The following BSN variants were observed in gnomAD, a reference collection of about 807,000 sequenced individuals.
BSN encodes bassoon presynaptic cytomatrix protein.
BSN carries 57 observed loss-of-function variants against 264.8 expected under a neutral mutation model. That is an observed-to-expected ratio of 0.22 (90% CI 0.17 to 0.27). The LOEUF (loss-of-function observed/expected upper bound fraction) is 0.27, where lower values mean the gene tolerates loss of function less well. Ranked by LOEUF, BSN falls within the 10% of genes least tolerant of loss-of-function variation. The pLI is 1.00. For missense variants in BSN, 4,615 were observed against 5,232.5 expected (o/e 0.88, Z 3.64); for synonymous variants, 2,059 against 2,137.3 (o/e 0.96, Z 1.01).
intron 2 of BSN, among the ~76,000 whole-genome samples, chr3:49,631,867 G>C (rs573021168): frequency 1.2e-3 from 188 of 152,238 alleles, no homozygotes; most frequent in Non-Finnish European, 2.1e-3. Context: ...CCTTCAAATA[G>C]CCAAAATAAT....
In BSN at chr3:49,663,437, A is replaced by G. The variant is rs749194869; in HGVS notation, c.11279A>G (p.Gln3760Arg). ...RQAAPGPQQSQSPSSRQIPSG... is the reference protein window; with the variant it reads ...RQAAPGPQQSRSPSSRQIPSG... ...GCAGCTCCAGGACCACAGCAGTCACAGTCACCATCATCCAGGCAAATACCC... is the reference window on the plus strand; with the variant it reads ...GCAGCTCCAGGACCACAGCAGTCACGGTCACCATCATCCAGGCAAATACCC... Residue 3760 changes from glutamine to arginine, a missense_variant, in exon 7 of 12, where the codon CAG becomes CGG. Transcript: ENST00000296452. 16 of 1,612,904 alleles carry G rather than the reference A, an allele frequency of 9.9e-6. No individual in the cohort carries two copies. The highest frequency in any genetic ancestry group is 1.3e-5 in the African/African-American group (1 of 74,950).
chr3:49,620,941 A>G (rs1470102324), intron 1 of BSN, among the ~76,000 whole-genome samples: 1 of 152,248 alleles, frequency 6.6e-6, no homozygotes, highest in Non-Finnish European at 1.5e-5. Context: ...ACTCACACAC[A>G]CACACACAAA....
chr3:49,662,010 C>A lies in BSN; in HGVS notation c.10165C>A (p.Pro3389Thr), dbSNP rs766684298. 6.2e-7 allele frequency: 1 copy of A among 1,613,836 alleles called. No homozygotes were observed. ...KDVESDLASY[P>T]PPAVSSSLVS... ...CGTAGAGTCAGACCTGGCGTCCTACCCCCCACCTGCAGTCAGCAGCAGCCT... is the reference window on the plus strand; with the variant it reads ...CGTAGAGTCAGACCTGGCGTCCTACACCCCACCTGCAGTCAGCAGCAGCCT... The change falls in exon 6 of 12, where the codon CCC (proline) becomes ACC (threonine). Residue 3389 changes from proline (P) to threonine (T), a missense_variant. Physicochemically the swap from Pro to Thr is conservative, Grantham distance 38. Coordinates refer to ENST00000296452, the MANE Select transcript of BSN (RefSeq NM_003458.4).
intron 2 of BSN, among the ~76,000 whole-genome samples, chr3:49,628,527 A>G (rs895454377): frequency 6.6e-6 from 1 of 152,202 alleles, no homozygotes; most frequent in Non-Finnish European, 1.5e-5. Flanking sequence ...AGTTTCCCCT[A>G]TCAGCCCTAG....
At chr3:49,557,579 T>G (rs1294756896) in intron 1 of BSN, among the ~76,000 whole-genome samples, 2 of 149,574 alleles carry the variant, frequency 1.3e-5, no homozygotes, top group East Asian at 1.9e-4. Flanking sequence ...CTGTCAGTTT[T>G]TTTTTTTTTT....
chr3:49,600,957 G>A (rs2052068884), intron 1 of BSN, among the ~76,000 whole-genome samples: 1 of 152,166 alleles, frequency 6.6e-6, no homozygotes, highest in Admixed American at 6.5e-5. Context: ...ATAACCCAGA[G>A]GCCTCATCTT....
At position 49,653,739 on chromosome 3, in the gene BSN, C is replaced by G; in HGVS notation, c.4183C>G (p.Arg1395Gly). ...GGCTCCTTGTCCAGCTGGGCTGCCA[C>G]GAGGATATATGACTCCAGCCTCCCC... ...AVAPCPAGLPRGYMTPASPAG... is the reference protein window; with the variant it reads ...AVAPCPAGLPGGYMTPASPAG... The change falls in exon 5 of 12, where the codon CGA becomes GGA. Residue 1395 changes from arginine (R) to glycine (G), a missense_variant. Transcript: ENST00000296452. This position sits in a 1 kb window ranked among gnomAD's most constrained non-coding sequence, Gnocchi z 6.3. The G allele has an allele frequency of 6.2e-7, 1 of 1,614,014 alleles. No individual in the cohort carries two copies. The highest frequency in any genetic ancestry group is 8.5e-7 in the Non-Finnish European group (1 of 1,179,992).
intron 3 of BSN, among the ~76,000 whole-genome samples, chr3:49,646,016 A>G (rs559272534): frequency 2.0e-5 from 3 of 152,356 alleles, no homozygotes; most frequent in African/African-American, 7.2e-5. Flanking sequence ...ACCTGAGGCC[A>G]CAGTCAACCA....
rs557622645 is a variant in BSN, at chr3:49,657,097, C to T, written c.7541C>T (p.Ala2514Val). Residue 2514 changes from alanine to valine, a missense_variant, in exon 5 of 12, where the codon GCA becomes GTA. Ala to Val is a moderately conservative substitution (Grantham distance 64). Around this residue, in one of 3 missense-constraint regions of BSN, gnomAD observed 3,415 missense variants for 3,866.4 expected, o/e 0.88. Transcript: ENST00000296452. ...ACACATGCAGCCTTCATTGCCATGG[C>T]AGGGCCTGAAGGACTTGGGCAGCCT... is the stretch of plus-strand genomic sequence containing the variant. ...PLTHAAFIAM[A>V]GPEGLGQPRE... is the part of the protein sequence containing the mutation. 1.2e-6 allele frequency: 2 copies of T among 1,609,884 alleles called. No individual in the cohort carries two copies. The highest frequency in any genetic ancestry group is 1.7e-6 in the Non-Finnish European group (2 of 1,177,532).
chr3:49,613,336 GA>G (rs1392234423), intron 1 of BSN, among the ~76,000 whole-genome samples: 37 of 150,162 alleles, frequency 2.5e-4, no homozygotes, highest in Non-Finnish European at 5.0e-4. Context: ...GAGAGAGAGA[GA>G]GAGAGAGAGA....
chr3:49,662,900 C>A lies in BSN; in HGVS notation c.10742C>A (p.Thr3581Lys). 1 of 1,591,576 alleles carries A rather than the reference C, an allele frequency of 6.3e-7. No homozygotes were observed. The highest frequency in any genetic ancestry group is 8.6e-7 in the Non-Finnish European group (1 of 1,168,058). The change falls in exon 7 of 12, where the codon ACG becomes AAG. Residue 3581 changes from threonine to lysine, a missense_variant. Physicochemically the swap from Thr to Lys is moderately conservative, Grantham distance 78. Coordinates refer to ENST00000296452, the MANE Select transcript of BSN (RefSeq NM_003458.4). ...GCGTATCACCTGGGCCAGGAGGAGA[C>A]GGACTGGTTTGATAAGCCCCGGGAT... ...SEAYHLGQEE[T>K]DWFDKPRDAR...
Position 49,642,922 on chromosome 3 carries a change from C to T in BSN, c.1288C>T (p.Pro430Ser), listed in dbSNP as rs956411991. Residue 430 changes from proline (P) to serine (S), a missense_variant, in exon 3 of 12, where the codon CCG (proline) becomes TCG (serine). Coordinates refer to ENST00000296452, the MANE Select transcript of BSN (RefSeq NM_003458.4). The surrounding 1 kb of genome is among the most constrained non-coding windows in gnomAD (Gnocchi z 7.0). ...TCCTGGATCTGGACCTGGAGCCCTG[C>T]CGAAAACTGGGGGAACAACCAGTCC... ...MGPGSGPGAL[P>S]KTGGTTSPKH... The T allele has an allele frequency of 1.9e-6, 3 of 1,614,012 alleles. No homozygotes were observed. Among genetic ancestry groups the T allele is most frequent in the Non-Finnish European group, 2.5e-6 (3 of 1,180,034 alleles).
chr3:49,650,068 G>T (rs2052529115), intron 3 of BSN, among the ~76,000 whole-genome samples: 1 of 152,192 alleles, frequency 6.6e-6, no homozygotes, highest in Non-Finnish European at 1.5e-5. Flanking sequence ...AGCCTCCCCT[G>T]GCCCCAGGAG....
intron 1 of BSN, among the ~76,000 whole-genome samples, chr3:49,606,212 T>C (rs1190131773): frequency 3.3e-5 from 1 of 30,704 alleles, no homozygotes; most frequent in Admixed American, 6.0e-4. Context: ...ATTATATATG[T>C]ATATATTATA....
At chr3:49,649,679 G>T (rs1023365751) in intron 3 of BSN, among the ~76,000 whole-genome samples, 7 of 152,232 alleles carry the variant, frequency 4.6e-5, no homozygotes, top group African/African-American at 1.7e-4. Flanking sequence ...CTTCACCATT[G>T]ATACCTGTGT....
At chr3:49,555,455 T>C (rs1480245606) in intron 1 of BSN, among the ~76,000 whole-genome samples, 1 of 152,204 alleles carries the variant, frequency 6.6e-6, no homozygotes, top group African/African-American at 2.4e-5. Flanking sequence ...GGGAAACATT[T>C]TGGGGTGAAG....
chr3:49,610,450 C>T (rs946699732), intron 1 of BSN, among the ~76,000 whole-genome samples: 5 of 151,898 alleles, frequency 3.3e-5, no homozygotes, highest in South Asian at 2.1e-4. Context: ...TGGGTGTGGT[C>T]GCTCAGGCCT....
intron 1 of BSN, among the ~76,000 whole-genome samples, chr3:49,566,524 C>G (rs866483289): frequency 2.6e-5 from 4 of 152,166 alleles, no homozygotes; most frequent in East Asian, 1.9e-4. Context: ...GTGGCTCCCC[C>G]CTGTAATCTC....
At chr3:49,619,294 G>A (rs140981176) in intron 1 of BSN, among the ~76,000 whole-genome samples, 8 of 152,308 alleles carry the variant, frequency 5.3e-5, no homozygotes, top group Non-Finnish European at 8.8e-5. Context: ...CAAGCGTGGC[G>A]CTGGGTCCTA....
Sources: gnomAD v4.1 joint callset for allele counts (sites outside exome capture counted in the v4.1 genomes callset) on GRCh38, gnomAD v4.1.1 for gene constraint, gnomAD v4.1.1 regional missense constraint, Gnocchi (gnomAD v3.1) non-coding constraint, MANE v1.5 for transcripts, NCBI Gene and HGNC (gene_info 2026-07-23, HGNC 2026-07-21) for gene names.